The following TRAK2 variants were observed in gnomAD, a reference collection of about 807,000 sequenced individuals.
TRAK2 encodes the protein trafficking kinesin protein 2.
TRAK2 carries 81 observed loss-of-function variants against 104.6 expected under a neutral mutation model. The ratio of observed to expected loss-of-function variants is 0.77; its 90% CI spans 0.65 to 0.93. The LOEUF (loss-of-function observed/expected upper bound fraction) is 0.93. Ranked by LOEUF, TRAK2 falls within the 40% of genes least tolerant of loss-of-function variation. The pLI, the probability that TRAK2 is intolerant of heterozygous loss-of-function variation, is 0.00. For synonymous variants in TRAK2, 406 were observed against 394.4 expected, an observed-to-expected ratio of 1.03 and a Z score of -0.35; for missense variants, 1,002 against 1,089.0, an observed-to-expected ratio of 0.92 and a Z score of 1.12.
chr2:201,383,897 C>T (rs1356445443), intron 15 of TRAK2, among the ~76,000 whole-genome samples: 1 of 152,146 alleles, frequency 6.6e-6, no homozygotes, highest in Non-Finnish European at 1.5e-5. Flanking sequence ...ACCTTCCATG[C>T]CTCAGTTTAC....
At chr2:201,411,763 T>C (rs1432822109) in intron 2 of TRAK2, 11 of 787,966 alleles carry the variant, frequency 1.4e-5, no homozygotes, top group Non-Finnish European at 2.1e-5. Context: ...ACCAACCACT[T>C]ATCCAAGTAT....
intron 1 of TRAK2, among the ~76,000 whole-genome samples, chr2:201,434,475 T>C (rs766163941): frequency 5.9e-5 from 9 of 152,184 alleles, no homozygotes; most frequent in Admixed American, 2.0e-4. Flanking sequence ...CATCTGTTGA[T>C]GATCAGCACA....
chr2:201,443,685 A>G (rs1358182339), intron 1 of TRAK2, among the ~76,000 whole-genome samples: 3 of 151,954 alleles, frequency 2.0e-5, no homozygotes, highest in African/African-American at 7.3e-5. Flanking sequence ...CATCCAATCC[A>G]TTAACAAATC....
At chr2:201,399,630 A>G in intron 4 of TRAK2, 137 bp from the exon 5 acceptor site, 2 of 626,926 alleles carry the variant, frequency 3.2e-6, no homozygotes, top group Non-Finnish European at 5.7e-6. Flanking sequence ...CATTAAAATG[A>G]ATAAACACAG....
chr2:201,437,783 T>C (rs1246855439), intron 1 of TRAK2, among the ~76,000 whole-genome samples: 1 of 152,192 alleles, frequency 6.6e-6, no homozygotes, highest in Non-Finnish European at 1.5e-5. Context: ...TTAGAACGCA[T>C]ACTGCTATTC....
chr2:201,383,991 C>T (rs544988827), intron 15 of TRAK2, 120 bp downstream of exon 15: 1 of 699,930 alleles, frequency 1.4e-6, no homozygotes, highest in South Asian at 1.8e-5. Context: ...TCTAAAGACA[C>T]ATTATCACAG....
chr2:201,392,787 C>A, intron 10 of TRAK2, 122 bp downstream of exon 10: 2 of 983,492 alleles, frequency 2.0e-6, no homozygotes, highest in Non-Finnish European at 2.9e-6. Context: ...AATTGGAGTC[C>A]AGAAACAAGG....
intron 1 of TRAK2, among the ~76,000 whole-genome samples, chr2:201,445,514 A>G (rs1951957957): frequency 6.6e-6 from 1 of 152,260 alleles, no homozygotes; most frequent in African/African-American, 2.4e-5. Context: ...ATAGTACCAG[A>G]TAATAAATAT....
At chr2:201,381,498 C>A (rs1170067470) in intron 15 of TRAK2, among the ~76,000 whole-genome samples, 1 of 152,082 alleles carries the variant, frequency 6.6e-6, no homozygotes, top group East Asian at 1.9e-4. Context: ...TCTTAGATAA[C>A]TTTACTCTTA....
chr2:201,419,084 C>A (rs903109951), intron 2 of TRAK2: 1 of 152,108 alleles, frequency 6.6e-6, no homozygotes, highest in African/African-American at 2.4e-5. Flanking sequence ...AAAATAAAAT[C>A]TAGATATGGT....
At position 201,401,054 on chromosome 2, in the gene TRAK2, G is replaced by T. The variant is rs757336472; in HGVS notation, c.327C>A (p.Tyr109Ter). ...TDRVEQMTKT[Y>*]NDIDMVTHLL... is the part of the protein sequence containing the mutation. ...GATGTGTAACCATGTCGATGTCATTGTAAGTTTTGGTCATCTGCTCCACCC... is the reference window on the plus strand; with the variant it reads ...GATGTGTAACCATGTCGATGTCATTTTAAGTTTTGGTCATCTGCTCCACCC... The change falls in exon 4 of 16, where the codon TAC becomes TAA. Residue 109 changes from tyrosine to a stop codon, truncating the protein, a stop_gained. Transcript: ENST00000332624. LOFTEE classifies it high-confidence loss of function. 1 of 1,611,316 alleles carries T rather than the reference G, an allele frequency of 6.2e-7. No individual in the cohort carries two copies. The highest frequency in any genetic ancestry group is 8.5e-7 in the Non-Finnish European group (1 of 1,178,160).
rs1438902630 is a variant in TRAK2 at position 201,447,577 on chromosome 2, T to C, written c.-200+3773A>G. ...CTTCTTGATGAATCCTCACATGGTC[T>C]TTCCTTTGTGTGTGCAACTCCTGTG... On this transcript the variant is annotated intron_variant, in intron 1 of 15. Coordinates refer to ENST00000332624, the MANE Select transcript of TRAK2 (RefSeq NM_015049.3). This position sits in a 1 kb window ranked among gnomAD's most constrained non-coding sequence, Gnocchi z 4.1. Among the ~76,000 whole-genome samples, 2 of 152,198 alleles carry C rather than the reference T, an allele frequency of 1.3e-5. No homozygotes were observed. Among genetic ancestry groups the C allele is most frequent in the African/African-American group, 4.8e-5 (2 of 41,438 alleles).
intron 2 of TRAK2, chr2:201,410,398 A>C: frequency 1.9e-6 from 1 of 535,212 alleles, no homozygotes; most frequent in Non-Finnish European, 3.3e-6. Context: ...AAGTCCATAC[A>C]ACTACTATGC....
intron 14 of TRAK2, among the ~76,000 whole-genome samples, chr2:201,384,925 G>A (rs751330985): frequency 2.0e-5 from 3 of 152,150 alleles, no homozygotes; most frequent in Non-Finnish European, 4.4e-5. Flanking sequence ...GAAAACACTT[G>A]TGCAACTGAT....
chr2:201,394,914 A>T (rs369402447), intron 8 of TRAK2, 42 bp from the exon 9 acceptor site: 4 of 1,475,530 alleles, frequency 2.7e-6, no homozygotes, highest in Non-Finnish European at 3.8e-6. Flanking sequence ...CTTTCCAAGT[A>T]AAATATAGCT....
chr2:201,406,420 T>C (rs1032302485), intron 3 of TRAK2, among the ~76,000 whole-genome samples: 3 of 152,206 alleles, frequency 2.0e-5, no homozygotes, highest in Non-Finnish European at 4.4e-5. Flanking sequence ...CAGTTTCAGC[T>C]GAAACAATGT....
chr2:201,428,473 G>A (rs1029507888), intron 1 of TRAK2, among the ~76,000 whole-genome samples: 1 of 152,166 alleles, frequency 6.6e-6, no homozygotes, highest in African/African-American at 2.4e-5. Flanking sequence ...AAGATCAGAT[G>A]GTTGTAGATG....
intron 11 of TRAK2, 142 bp downstream of exon 11, chr2:201,389,659 A>G (rs1158410393): frequency 9.3e-7 from 1 of 1,079,282 alleles, no homozygotes. Flanking sequence ...GAACTCTCTC[A>G]CAAAAAAAGG....
chr2:201,419,463 G>A (rs924281598), intron 2 of TRAK2: 11 of 154,486 alleles, frequency 7.1e-5, no homozygotes, highest in East Asian at 1.9e-4. Flanking sequence ...ACAAAAGAAG[G>A]CAGACACAAA....
Sources: allele counts gnomAD v4.1 joint callset (sites outside exome capture counted in the v4.1 genomes callset), GRCh38; gene constraint gnomAD v4.1.1; non-coding constraint Gnocchi (gnomAD v3.1); transcripts MANE v1.5; gene names NCBI Gene and HGNC (gene_info 2026-07-23, HGNC 2026-07-21).